The following EPHA3 variants were observed in gnomAD, a reference collection of about 807,000 sequenced individuals.
EPHA3 encodes the protein ephrin type-A receptor 3.
A neutral mutation model predicts 107.1 loss-of-function variants in EPHA3; 42 were observed. The observed-to-expected ratio is 0.39, with a 90% CI of 0.31 to 0.51. The LOEUF is 0.51. EPHA3 is among the 20% of genes least tolerant of loss of function. EPHA3 has a pLI of 0.78. For synonymous variants in EPHA3, 461 were observed against 424.8 expected (o/e 1.09, Z -1.05); for missense variants, 1,183 against 1,211.2 (o/e 0.98, Z 0.35).
Position 89,263,975 on chromosome 3 carries a change from G to C in EPHA3, c.814+53455G>C, listed in dbSNP as rs979935438. Among the ~76,000 whole-genome samples the C allele has an allele frequency of 4.6e-5, 7 of 152,192 alleles. 1 individual carries two copies. The highest frequency in any genetic ancestry group is 1.3e-4 in the Admixed American group (2 of 15,284). On this transcript the variant is annotated intron_variant, in intron 3 of 16. Coordinates refer to ENST00000336596, the MANE Select transcript of EPHA3 (RefSeq NM_005233.6). ...GGGAGGGGATGCATTACTCAACCCA[G>C]TAGAGTCTGCCCTCTGGCCTCAAAA...
intron 3 of EPHA3, among the ~76,000 whole-genome samples, chr3:89,320,547 G>A (rs1430877857): frequency 6.6e-6 from 1 of 151,846 alleles, no homozygotes. Context: ...AATAGATGAA[G>A]AACTCTATTT....
intron 5 of EPHA3, among the ~76,000 whole-genome samples, chr3:89,393,279 G>C (rs879491625): frequency 3.3e-5 from 5 of 152,074 alleles, no homozygotes; most frequent in African/African-American, 9.7e-5. Context: ...AGTCCAACAG[G>C]GTCCTGCAGC....
At chr3:89,418,840 T>A (rs1393142548) in intron 10 of EPHA3, among the ~76,000 whole-genome samples, 1 of 151,480 alleles carries the variant, frequency 6.6e-6, no homozygotes, top group Non-Finnish European at 1.5e-5. Flanking sequence ...ATTTAATCAC[T>A]GTTGGTGCTG....
At chr3:89,147,203 G>A (rs938909915) in intron 2 of EPHA3, among the ~76,000 whole-genome samples, 12 of 151,744 alleles carry the variant, frequency 7.9e-5, no homozygotes, top group African/African-American at 1.9e-4. Flanking sequence ...GGTAAGGGAA[G>A]GCAGAGCATT....
intron 2 of EPHA3, among the ~76,000 whole-genome samples, chr3:89,179,561 A>G (rs1399829833): frequency 6.6e-6 from 1 of 151,862 alleles, no homozygotes; most frequent in Non-Finnish European, 1.5e-5. Context: ...GATTGAGGTC[A>G]CTGTTGGGGC....
At chr3:89,437,531 T>C (rs1709697360) in intron 13 of EPHA3, among the ~76,000 whole-genome samples, 1 of 152,200 alleles carries the variant, frequency 6.6e-6, no homozygotes, top group Non-Finnish European at 1.5e-5. Flanking sequence ...GTCTACTAAT[T>C]TACTTCATTC....
chr3:89,140,126 C>T (rs1489937583), intron 2 of EPHA3, among the ~76,000 whole-genome samples: 1 of 151,704 alleles, frequency 6.6e-6, no homozygotes, highest in Non-Finnish European at 1.5e-5. Context: ...TGTCACTTGA[C>T]GACTAAAGAT....
rs374592856 is a variant in EPHA3 at position 89,299,357 on chromosome 3, T to C, written c.815-41559T>C. Reference sequence around the variant, plus strand: ...ATTTCCAGTAGTTGGTGACTAATTATATGCAAGAATGAGAATATGGGAAAT... The same window carrying C: ...ATTTCCAGTAGTTGGTGACTAATTACATGCAAGAATGAGAATATGGGAAAT... On this transcript the variant is annotated intron_variant, in intron 3 of 16. Transcript: ENST00000336596. 3.3e-5 allele frequency among the ~76,000 whole-genome samples: 5 copies of C among 152,110 alleles called. No individual in the cohort carries two copies. The East Asian group carries it at 9.7e-4, about 29-fold the overall frequency.
chr3:89,112,692 C>A (rs1391552992), intron 1 of EPHA3, among the ~76,000 whole-genome samples: 4 of 150,998 alleles, frequency 2.6e-5, no homozygotes, highest in Non-Finnish European at 5.9e-5. Flanking sequence ...GTCATAAGAT[C>A]TTCAGGAAAA....
At chr3:89,234,522 A>G (rs1305465928) in intron 3 of EPHA3, among the ~76,000 whole-genome samples, 8 of 152,214 alleles carry the variant, frequency 5.3e-5, no homozygotes, top group Non-Finnish European at 1.0e-4. Flanking sequence ...TGAAATCCAC[A>G]TGGACCAATC....
intron 3 of EPHA3, among the ~76,000 whole-genome samples, chr3:89,266,915 C>T (rs557012979): frequency 1.3e-5 from 2 of 152,110 alleles, no homozygotes; most frequent in South Asian, 2.1e-4. Context: ...TAGAAATTCA[C>T]CAATTCAACC....
intron 3 of EPHA3, among the ~76,000 whole-genome samples, chr3:89,265,881 T>C (rs1705527849): frequency 6.6e-6 from 1 of 152,162 alleles, no homozygotes; most frequent in Admixed American, 6.6e-5. Flanking sequence ...GGGAATGTGA[T>C]ACTAGGAAAA....
chr3:89,216,378 G>A (rs1483783904), intron 3 of EPHA3, among the ~76,000 whole-genome samples: 1 of 152,000 alleles, frequency 6.6e-6, no homozygotes, highest in Non-Finnish European at 1.5e-5. Flanking sequence ...TACCTGTAAA[G>A]TGATTGAAAT....
At chr3:89,410,056 C>T (rs1444589622) in intron 9 of EPHA3, among the ~76,000 whole-genome samples, 2 of 151,870 alleles carry the variant, frequency 1.3e-5, no homozygotes, top group Non-Finnish European at 2.9e-5. Context: ...TTATGTGCCT[C>T]GCAGCCTGAA....
intron 2 of EPHA3, among the ~76,000 whole-genome samples, chr3:89,167,935 C>T (rs919786004): frequency 6.6e-6 from 1 of 152,074 alleles, no homozygotes; most frequent in Non-Finnish European, 1.5e-5. Context: ...TATACACACA[C>T]ACAAATATAC....
At chr3:89,230,411 T>C (rs923088715) in intron 3 of EPHA3, among the ~76,000 whole-genome samples, 1 of 152,106 alleles carries the variant, frequency 6.6e-6, no homozygotes, top group African/African-American at 2.4e-5. Flanking sequence ...TGGAAGTACA[T>C]GGTTCAGGCC....
chr3:89,415,838 G>A (rs958389599), intron 10 of EPHA3, among the ~76,000 whole-genome samples: 4 of 151,322 alleles, frequency 2.6e-5, no homozygotes, highest in Admixed American at 6.6e-5. Context: ...ATTTCAGCAC[G>A]TGAATAAACA....
intron 3 of EPHA3, among the ~76,000 whole-genome samples, chr3:89,288,145 A>G (rs1260094694): frequency 6.6e-6 from 1 of 152,096 alleles, no homozygotes; most frequent in Non-Finnish European, 1.5e-5. Flanking sequence ...AATTTAAAAA[A>G]AACACCTGGT....
At chr3:89,126,295 A>G (rs1435009906) in intron 1 of EPHA3, among the ~76,000 whole-genome samples, 1 of 151,798 alleles carries the variant, frequency 6.6e-6, no homozygotes, top group East Asian at 1.9e-4. Context: ...AGGTAAAACC[A>G]TAGTTTCCAT....
Sources: allele counts gnomAD v4.1 joint callset (sites outside exome capture counted in the v4.1 genomes callset), GRCh38; gene constraint gnomAD v4.1.1; transcripts MANE v1.5; gene names NCBI Gene and HGNC (gene_info 2026-07-23, HGNC 2026-07-21).